MTHFD1: variants seen among roughly 807,000 people sequenced by gnomAD.
MTHFD1 encodes the protein C-1-tetrahydrofolate synthase, cytoplasmic.
A neutral mutation model predicts 110.3 loss-of-function variants in MTHFD1; 44 were observed. The ratio of observed to expected loss-of-function variants is 0.40; its 90% CI spans 0.31 to 0.51. The LOEUF (loss-of-function observed/expected upper bound fraction) is 0.51. Among genes scored for constraint, MTHFD1 ranks in the 20% least tolerant of loss-of-function variants. The pLI, the probability that MTHFD1 is intolerant of heterozygous loss-of-function variation, is 0.60. For synonymous variants in MTHFD1, 402 were observed against 428.8 expected (o/e 0.94, Z 0.77); for missense variants, 909 against 1,173.1 (o/e 0.77, Z 3.29).
At chr14:64,426,547 C>T (rs2140964488) in intron 11 of MTHFD1, among the ~76,000 whole-genome samples, 1 of 152,066 alleles carries the variant, frequency 6.6e-6, no homozygotes, top group African/African-American at 2.4e-5. Flanking sequence ...CTCGGCTCAC[C>T]ACAACCTCTG....
intron 22 of MTHFD1, 98 bp from the exon 23 acceptor site, chr14:64,448,119 G>A (rs1418815369): frequency 2.3e-5 from 19 of 837,572 alleles, no homozygotes; most frequent in Non-Finnish European, 3.6e-5. Flanking sequence ...CTGATAGTGA[G>A]TGGCTGCTGG....
chr14:64,448,489 C>T, intron 23 of MTHFD1, 172 bp downstream of exon 23: 1 of 649,376 alleles, frequency 1.5e-6, no homozygotes, highest in Admixed American at 2.2e-5. Context: ...CTCACCACCT[C>T]ACCCACTGAG....
At chr14:64,392,590 T>G (rs904479786) in intron 1 of MTHFD1, among the ~76,000 whole-genome samples, 14 of 152,044 alleles carry the variant, frequency 9.2e-5, no homozygotes, top group Admixed American at 2.6e-4. Flanking sequence ...GCAGGGCAAG[T>G]TGGGTATATT....
At chr14:64,431,922 T>A in intron 15 of MTHFD1, 61 bp downstream of exon 15, 1 of 1,467,104 alleles carries the variant, frequency 6.8e-7, no homozygotes, top group Non-Finnish European at 9.6e-7. Flanking sequence ...GATCATTGAT[T>A]AGGACATAAA....
intron 2 of MTHFD1, among the ~76,000 whole-genome samples, chr14:64,410,026 A>G (rs1316402042): frequency 2.0e-5 from 3 of 152,238 alleles, no homozygotes; most frequent in Admixed American, 6.5e-5. Context: ...GGTAGCATGT[A>G]TCAACCTTGA....
chr14:64,441,830 C>T lies in MTHFD1; in HGVS notation c.1885-224C>T, dbSNP rs538676340. 5 of 608,638 alleles carry T rather than the reference C, an allele frequency of 8.2e-6. No individual in the cohort carries two copies. The Admixed American group carries it at 1.1e-4, about 13-fold the overall frequency. 37.7% of individuals were successfully genotyped at this position (608,638 alleles called of 1,614,324 possible). A position where few individuals can be genotyped will look rare whatever the true frequency, so the allele number is the denominator to read the frequency against. On this transcript the variant is annotated intron_variant, in intron 19 of 27. Coordinates refer to ENST00000652337, the MANE Select transcript of MTHFD1 (RefSeq NM_005956.4). ...AAAAAAAAAAAAAAAATTAAGCACACTTAACCTGGGTAGTCAAGACCTTCT... is the reference window on the plus strand; with the variant it reads ...AAAAAAAAAAAAAAAATTAAGCACATTTAACCTGGGTAGTCAAGACCTTCT...
At chr14:64,420,298 G>A (rs1277356763) in intron 8 of MTHFD1, among the ~76,000 whole-genome samples, 2 of 152,120 alleles carry the variant, frequency 1.3e-5, no homozygotes, top group Non-Finnish European at 2.9e-5. Context: ...TGCTATGAGA[G>A]TCCAGAAGAG....
At chr14:64,449,866 G>A (rs1430741560) in intron 24 of MTHFD1, among the ~76,000 whole-genome samples, 1 of 152,226 alleles carries the variant, frequency 6.6e-6, no homozygotes, top group Admixed American at 6.5e-5. Context: ...TCAGCTCACT[G>A]CAACCTCTGC....
chr14:64,402,326 A>C (rs962564785), intron 2 of MTHFD1, among the ~76,000 whole-genome samples: 7 of 152,354 alleles, frequency 4.6e-5, no homozygotes, highest in South Asian at 4.1e-4. Flanking sequence ...GGAATCATTA[A>C]CATCACCAAC....
At chr14:64,439,399 G>T (rs1596551273) in intron 17 of MTHFD1, 1 of 582,382 alleles carries the variant, frequency 1.7e-6, no homozygotes, top group East Asian at 2.9e-5. Flanking sequence ...TTTCCTGGAG[G>T]TGGAGAGCCC....
In MTHFD1 at chr14:64,417,358, C is replaced by T. The variant is rs56811449; in HGVS notation, c.479-530C>T. Among the ~76,000 whole-genome samples, 24,114 of 152,180 alleles carry T rather than the reference C, an allele frequency of 0.16. 2,004 individuals carry two copies. The highest frequency in any genetic ancestry group is 0.26 in the Middle Eastern group (75 of 294). The stretch of plus-strand genomic sequence containing the variant: ...AGCTTTGCTGCCACAGTTCAATTTC[C>T]CCTTTATCACTTCCCTGCAAGTAAC... On this transcript the variant is annotated intron_variant, in intron 6 of 27. Transcript: ENST00000652337. This position sits in a 1 kb window ranked among gnomAD's most constrained non-coding sequence, Gnocchi z 4.4.
At chr14:64,418,447 T>C (rs1191953039) in intron 7 of MTHFD1, among the ~76,000 whole-genome samples, 1 of 43,052 alleles carries the variant, frequency 2.3e-5, no homozygotes, top group Non-Finnish European at 4.7e-5. Context: ...CAAGACCCTG[T>C]CTCAAAAAAA....
rs1242903498 is a variant in MTHFD1, at chr14:64,411,185, A to G, written c.186+36A>G. ...AAGAGCTGTGCCATCACCCTCCCCA[A>G]CCTCCACCTGGGTCCTATCGATTAC... On this transcript the variant is annotated intron_variant, in intron 3 of 27. Transcript: ENST00000652337. 5.8e-6 allele frequency: 9 copies of G among 1,553,912 alleles called. No homozygotes were observed. The African/African-American group carries it at 6.8e-5, about 12-fold the overall frequency.
intron 1 of MTHFD1, among the ~76,000 whole-genome samples, chr14:64,390,743 G>C (rs930553212): frequency 2.6e-5 from 4 of 152,130 alleles, no homozygotes; most frequent in Non-Finnish European, 4.4e-5. Flanking sequence ...CCACCTCCCA[G>C]GTTCAAGCGA....
intron 3 of MTHFD1, among the ~76,000 whole-genome samples, chr14:64,411,709 A>G (rs2077986107): frequency 2.0e-5 from 3 of 152,132 alleles, no homozygotes; most frequent in African/African-American, 4.8e-5. Context: ...AGACCAGCCT[A>G]AGAAACATGG....
intron 17 of MTHFD1, among the ~76,000 whole-genome samples, chr14:64,439,918 A>AT (rs138282578): frequency 0.02 from 2,696 of 133,822 alleles, 72 homozygotes; most frequent in East Asian, 0.03. Context: ...AAAAAAAAAA[A>AT]TGACAACTCA....
At chr14:64,416,971 T>C (rs1469208147) in intron 6 of MTHFD1, among the ~76,000 whole-genome samples, 2 of 151,496 alleles carry the variant, frequency 1.3e-5, no homozygotes, top group Non-Finnish European at 3.0e-5. Flanking sequence ...TTTATCTTTT[T>C]CTGAAAAAAA....
chr14:64,431,738 C>G lies in MTHFD1; in HGVS notation c.1420-49C>G, dbSNP rs766285343. The G allele has an allele frequency of 6.3e-6, 10 of 1,599,042 alleles. 2 individuals carry two copies. The South Asian group carries it at 9.9e-5, about 16-fold the overall frequency. ...TCTTGGGTGCTGAGGATGCAGGTAG[C>G]AAAGCAGTGGGGCTCCTCTCATTTT... On this transcript the variant is annotated intron_variant, in intron 14 of 27. Transcript: ENST00000652337.
At chr14:64,414,804 C>T (rs1343348733) in intron 4 of MTHFD1, among the ~76,000 whole-genome samples, 1 of 152,022 alleles carries the variant, frequency 6.6e-6, no homozygotes, top group Non-Finnish European at 1.5e-5. Flanking sequence ...ATTCTCCTGC[C>T]TCAGCCTCCC....
Sources: gnomAD v4.1 joint callset for allele counts (sites outside exome capture counted in the v4.1 genomes callset) on GRCh38, gnomAD v4.1.1 for gene constraint, Gnocchi (gnomAD v3.1) non-coding constraint, MANE v1.5 for transcripts, NCBI Gene and HGNC (gene_info 2026-07-23, HGNC 2026-07-21) for gene names.